Variants in CFI observed in about 807,000 individuals in gnomAD.
The protein encoded by CFI is complement factor I.
CFI carries 66 observed loss-of-function variants against 78.8 expected under a neutral mutation model. The ratio of observed to expected loss-of-function variants is 0.84; its 90% CI spans 0.69 to 1.03. The LOEUF (loss-of-function observed/expected upper bound fraction) is 1.03, where lower values mean the gene tolerates loss of function less well. CFI is among the 50% of genes least tolerant of loss of function. The pLI is 0.00. For missense variants in CFI, 706 were observed against 704.5 expected (o/e 1.00, Z -0.02); for synonymous variants, 250 against 232.6 (o/e 1.07, Z -0.68).
At position 109,740,991 on chromosome 4, in the gene CFI, T is replaced by C. The variant is rs1331786801; in HGVS notation, c.1654A>G (p.Lys552Glu). Residue 552 changes from lysine to glutamate, a missense_variant, in exon 13 of 13, where the codon AAA (lysine) becomes GAA (glutamate). By Grantham distance (56) the Lys-to-Glu change is moderately conservative. Coordinates refer to ENST00000394634, the MANE Select transcript of CFI (RefSeq NM_000204.5). The stretch of plus-strand genomic sequence containing the variant: ...GTGTAAACACCTGGGAACTCTGGTT[T>C]TCCACAGTTTTCCCCCCAACTCACA... The part of the protein sequence containing the change: ...GVVSWGENCG[K>E]PEFPGVYTKV... The C allele has an allele frequency of 1.9e-6, 3 of 1,614,170 alleles. No homozygotes were observed. The highest frequency in any genetic ancestry group is 2.5e-6 in the Non-Finnish European group (3 of 1,180,012).
chr4:109,739,147 T>C (rs1376190790), downstream of CFI, among the ~76,000 whole-genome samples: 1 of 152,194 alleles, frequency 6.6e-6, no homozygotes, highest in Non-Finnish European at 1.5e-5. Context: ...GATTTTGGAA[T>C]ATATGTAAAA....
rs760627823 is a variant in CFI at position 109,742,601 on chromosome 4, CAA to C, written c.1430-8_1430-7del. The C allele has an allele frequency of 1.9e-6, 3 of 1,561,948 alleles. No individual in the cohort carries two copies. In the East Asian group the frequency reaches 6.7e-5, roughly 35 times the overall value. On this transcript the variant is annotated splice_polypyrimidine_tract_variant and splice_region_variant and intron_variant, in intron 11 of 12. Transcript: ENST00000394634. ...TGAAAAGACTCTTTCGTTATCTAAA[CAA>C]AGTGAGAAAGCAAACATTTAGAAGT...
chr4:109,780,089 G>A (rs1729807297), intron 1 of CFI, among the ~76,000 whole-genome samples: 1 of 152,094 alleles, frequency 6.6e-6, no homozygotes, highest in African/African-American at 2.4e-5. Flanking sequence ...GCATGGGCAA[G>A]GACTTCATGA....
At chr4:109,792,000 C>T (rs1731442814) in intron 1 of CFI, among the ~76,000 whole-genome samples, 1 of 151,986 alleles carries the variant, frequency 6.6e-6, no homozygotes, top group South Asian at 2.1e-4. Flanking sequence ...TATTGGTTTC[C>T]AGCCTTATTC....
Position 109,760,413 on chromosome 4 carries a change from AT to A in CFI, c.773-34del, listed in dbSNP as rs765006760. The A allele has an allele frequency of 1.1e-5, 18 of 1,575,038 alleles. 1 individual carries two copies. In the South Asian group the frequency reaches 1.8e-4, roughly 16 times the overall value. On this transcript the variant is annotated intron_variant, in intron 5 of 12. Transcript: ENST00000394634. The stretch of plus-strand genomic sequence containing the variant: ...AACATAAGCAGGAGAGGTTTTTTTC[AT>A]TCCTTAAAGTTGAATGAGGTACAAT...
intron 9 of CFI, 49 bp from the exon 10 acceptor site, chr4:109,749,370 C>A: frequency 6.5e-7 from 1 of 1,543,222 alleles, no homozygotes. Flanking sequence ...GATAGCGATA[C>A]AAACAGCCCT....
chr4:109,751,400 T>C (rs1319278345), intron 8 of CFI, among the ~76,000 whole-genome samples: 1 of 150,974 alleles, frequency 6.6e-6, no homozygotes, highest in Non-Finnish European at 1.5e-5. Context: ...TTGTTGAAAA[T>C]GCCTTTTGAC....
At chr4:109,794,093 T>C (rs1320618148) in intron 1 of CFI, 1 of 152,352 alleles carries the variant, frequency 6.6e-6, no homozygotes, top group East Asian at 1.9e-4. Flanking sequence ...GACAATTTGA[T>C]TATAATGTGT....
chr4:109,774,836 G>A (rs1729021832), intron 1 of CFI, among the ~76,000 whole-genome samples: 1 of 152,098 alleles, frequency 6.6e-6, no homozygotes, highest in Non-Finnish European at 1.5e-5. Context: ...TTCTTCTGCT[G>A]GGTTTGCATA....
rs150199781 is a variant in CFI at position 109,747,745 on chromosome 4, G to A, written c.1149-1243C>T. On this transcript the variant is annotated intron_variant, in intron 10 of 12. Coordinates refer to ENST00000394634, the MANE Select transcript of CFI (RefSeq NM_000204.5). ...GTTCCTCAACCTTTTTGGCACCAGG[G>A]ACAGGTTTTGTGGAAGACAATTTTT... Among the ~76,000 whole-genome samples, 726 of 152,200 alleles carry A rather than the reference G, an allele frequency of 4.8e-3. 7 individuals are homozygous for A. Among genetic ancestry groups the A allele is most frequent in the African/African-American group, 0.017 (696 of 41,536 alleles).
rs868123583 is a variant in CFI at position 109,761,548 on chromosome 4, G to A, written c.627C>T (p.Phe209=). The change falls in exon 4 of 13, where the codon TTC becomes TTT. Residue 209 remains phenylalanine (F), a synonymous_variant. Transcript: ENST00000394634. The part of the protein sequence containing the change: ...TKRRTMGYQD[F]ADVVCYTQKA... Reference sequence around the variant, plus strand: ...TCTGTGTATAACAAACCACATCAGCGAAATCCTGGTAACCCATAGTTCTTC... The same window carrying A: ...TCTGTGTATAACAAACCACATCAGCAAAATCCTGGTAACCCATAGTTCTTC... The A allele has an allele frequency of 1.2e-5, 19 of 1,613,976 alleles. No individual in the cohort carries two copies. Among genetic ancestry groups the A allele is most frequent in the East Asian group, 2.2e-5 (1 of 44,876 alleles).
intron 6 of CFI, 71 bp from the exon 7 acceptor site, chr4:109,757,854 C>T: frequency 7.8e-7 from 1 of 1,287,178 alleles, no homozygotes; most frequent in Non-Finnish European, 1.1e-6. Context: ...TAGCAATATA[C>T]TATACATATA....
rs1724387399 is a variant in CFI at position 109,746,156 on chromosome 4, T to C, written c.1429+66A>G. 2.6e-6 allele frequency: 4 copies of C among 1,554,898 alleles called. No homozygotes were observed. The Admixed American group carries it at 5.1e-5, about 20-fold the overall frequency. On this transcript the variant is annotated intron_variant, in intron 11 of 12. Coordinates refer to ENST00000394634, the MANE Select transcript of CFI (RefSeq NM_000204.5). ...CTCTGAGTGCTAGGAAATTAGCTCCTATACATTTCTATTCTCTTTCATTTC... is the reference window on the plus strand; with the variant it reads ...CTCTGAGTGCTAGGAAATTAGCTCCCATACATTTCTATTCTCTTTCATTTC...
intron 7 of CFI, among the ~76,000 whole-genome samples, chr4:109,753,493 TTTATAATATATTTATTATATAAATAA>T (rs1725600361): frequency 1.4e-5 from 1 of 69,570 alleles, no homozygotes; most frequent in Non-Finnish European, 2.4e-5. Flanking sequence ...ATAATAAATA[TTTATAATATATTTATTATATAAATAA>T]ATATTTATAA....
At chr4:109,749,166 A>T in intron 10 of CFI, 52 bp downstream of exon 10, 1 of 1,427,406 alleles carries the variant, frequency 7.0e-7, no homozygotes, top group Non-Finnish European at 9.9e-7. Context: ...AATCTCTATT[A>T]CTCACTTTCA....
At chr4:109,746,119 T>C (rs1724383096) in intron 11 of CFI, 103 bp downstream of exon 11, 1 of 1,330,632 alleles carries the variant, frequency 7.5e-7, no homozygotes, top group Admixed American at 1.9e-5. Flanking sequence ...CTGGATATGA[T>C]GTTATGCTTC....
At chr4:109,794,219 T>C (rs1027876881) in intron 1 of CFI, 1 of 152,178 alleles carries the variant, frequency 6.6e-6, no homozygotes, top group African/African-American at 2.4e-5. Context: ...TCTTCATATA[T>C]TCTCTCTTAC....
chr4:109,757,195 ATT>A (rs528710877), intron 7 of CFI, among the ~76,000 whole-genome samples: 1 of 144,934 alleles, frequency 6.9e-6, no homozygotes, highest in African/African-American at 2.5e-5. Flanking sequence ...CGCCAGGATA[ATT>A]TTTTTTTTTT....
intron 2 of CFI, 112 bp from the exon 3 acceptor site, chr4:109,764,802 A>T: frequency 1.0e-6 from 1 of 999,246 alleles, no homozygotes; most frequent in Non-Finnish European, 1.5e-6. Flanking sequence ...TTTGAACATC[A>T]TGACGATTTT....
Sources: gnomAD v4.1 joint callset for allele counts (sites outside exome capture counted in the v4.1 genomes callset) on GRCh38, gnomAD v4.1.1 for gene constraint, MANE v1.5 for transcripts, NCBI Gene and HGNC (gene_info 2026-07-23, HGNC 2026-07-21) for gene names.